Variants in PAQR5 observed in about 807,000 individuals in gnomAD.
PAQR5 encodes the protein progestin and adipoQ receptor family member 5, also known as membrane progestin receptor gamma.
In PAQR5, 20 loss-of-function variants were observed where a neutral mutation model predicts 34.5. The observed-to-expected ratio is 0.58, with a 90% CI of 0.41 to 0.84. PAQR5 has a LOEUF of 0.84. PAQR5 is among the 40% of genes least tolerant of loss of function. The probability of loss-of-function intolerance (pLI) is 0.00; values close to 1 mark genes in which losing one functional copy is unlikely to be tolerated. For missense variants in PAQR5, 378 were observed against 412.7 expected, an observed-to-expected ratio of 0.92 and a Z score of 0.73; for synonymous variants, 131 against 155.6, an observed-to-expected ratio of 0.84 and a Z score of 1.18.
intron 1 of PAQR5, among the ~76,000 whole-genome samples, chr15:69,315,439 T>C (rs549524583): frequency 6.6e-6 from 1 of 152,310 alleles, no homozygotes; most frequent in East Asian, 1.9e-4. Context: ...CCAGCATCCT[T>C]GAAGACCCAA....
At chr15:69,310,024 G>T (rs1242753401) in intron 1 of PAQR5, among the ~76,000 whole-genome samples, 1 of 151,302 alleles carries the variant, frequency 6.6e-6, no homozygotes, top group Admixed American at 6.6e-5. Context: ...CTCCAGCCTG[G>T]GTGACAGAGT....
At chr15:69,325,835 C>T (rs1310444311) in intron 1 of PAQR5, among the ~76,000 whole-genome samples, 2 of 152,130 alleles carry the variant, frequency 1.3e-5, no homozygotes, top group East Asian at 1.9e-4. Flanking sequence ...CAGCCATCTG[C>T]CCGGGAAACT....
intron 1 of PAQR5, among the ~76,000 whole-genome samples, chr15:69,331,276 G>A (rs1228198909): frequency 2.6e-5 from 4 of 152,124 alleles, no homozygotes; most frequent in Non-Finnish European, 5.9e-5. Flanking sequence ...TGTGTCTGTA[G>A]CCCCATTGCA....
intron 1 of PAQR5, among the ~76,000 whole-genome samples, chr15:69,322,811 G>GAAGAAGAAGAAGAAGAAGAAGAA (rs1566998179): frequency 7.9e-5 from 2 of 25,334 alleles, no homozygotes; most frequent in African/African-American, 1.9e-4. Context: ...AAGAGGAAGA[G>GAAGAAGAAGAAGAAGAAGAAGAA]GAAGAAGAAG....
chr15:69,333,564 A>T (rs1022505608), intron 1 of PAQR5, among the ~76,000 whole-genome samples: 2 of 152,208 alleles, frequency 1.3e-5, no homozygotes, highest in East Asian at 3.8e-4. Flanking sequence ...AGATGGGCCG[A>T]TTACAAAATG....
intron 1 of PAQR5, among the ~76,000 whole-genome samples, chr15:69,313,360 A>G (rs1249967792): frequency 6.6e-6 from 1 of 152,144 alleles, no homozygotes; most frequent in African/African-American, 2.4e-5. Context: ...TTAGCTGGGC[A>G]TGGTGGTGTG....
At chr15:69,318,117 G>A (rs954245527) in intron 1 of PAQR5, among the ~76,000 whole-genome samples, 1 of 152,220 alleles carries the variant, frequency 6.6e-6, no homozygotes, top group Non-Finnish European at 1.5e-5. Context: ...CAAGGCAGGA[G>A]CCCTGCCATC....
chr15:69,348,301 C>G (rs1343039801), intron 2 of PAQR5, among the ~76,000 whole-genome samples: 1 of 152,094 alleles, frequency 6.6e-6, no homozygotes, highest in East Asian at 1.9e-4. Context: ...TAAGAAGGAC[C>G]CTATGAAGAA....
chr15:69,341,667 T>C (rs759805749), intron 2 of PAQR5, among the ~76,000 whole-genome samples: 29 of 152,132 alleles, frequency 1.9e-4, no homozygotes, highest in Non-Finnish European at 3.4e-4. Flanking sequence ...TAGAAATACC[T>C]GCTTCAGGCC....
intron 6 of PAQR5, chr15:69,396,985 T>C (rs2056454627): frequency 2.8e-6 from 1 of 356,168 alleles, no homozygotes; most frequent in South Asian, 2.1e-5. Context: ...TCTCCAAGGG[T>C]CAAACACCTA....
intron 1 of PAQR5, among the ~76,000 whole-genome samples, chr15:69,334,249 C>G (rs1281033202): frequency 6.6e-6 from 1 of 152,108 alleles, no homozygotes; most frequent in African/African-American, 2.4e-5. Flanking sequence ...AGGATGGTCT[C>G]GAGCTCTTGA....
intron 4 of PAQR5, among the ~76,000 whole-genome samples, chr15:69,382,419 G>A (rs1245257281): frequency 6.6e-6 from 1 of 151,984 alleles, no homozygotes; most frequent in African/African-American, 2.4e-5. Context: ...GGCTGAGGCA[G>A]GCAGACCACA....
intron 2 of PAQR5, among the ~76,000 whole-genome samples, chr15:69,350,960 C>T (rs1225194040): frequency 6.6e-6 from 1 of 152,178 alleles, no homozygotes; most frequent in Non-Finnish European, 1.5e-5. Flanking sequence ...GACATTGATT[C>T]CAGGAGGCCC....
chr15:69,369,522 C>A (rs1167821656), intron 3 of PAQR5, among the ~76,000 whole-genome samples: 1 of 150,070 alleles, frequency 6.7e-6, no homozygotes, highest in Admixed American at 6.7e-5. Context: ...GGTGACAGAG[C>A]AAGATCCTGC....
chr15:69,379,388 C>G, intron 3 of PAQR5: 1 of 981,222 alleles, frequency 1.0e-6, no homozygotes, highest in Non-Finnish European at 1.2e-6. Context: ...GCATCGTGGT[C>G]CTCATCATCA....
chr15:69,338,300 C>T (rs2054558714), intron 2 of PAQR5, among the ~76,000 whole-genome samples: 1 of 152,150 alleles, frequency 6.6e-6, no homozygotes, highest in Non-Finnish European at 1.5e-5. Context: ...AGGTTTTTTC[C>T]TGCAGTTTAG....
chr15:69,309,116 A>G (rs1219008049), intron 1 of PAQR5, among the ~76,000 whole-genome samples: 1 of 152,164 alleles, frequency 6.6e-6, no homozygotes, highest in Non-Finnish European at 1.5e-5. Flanking sequence ...TGGAAGCTAC[A>G]TGCATACAGG....
At chr15:69,370,663 G>T (rs939793586) in intron 3 of PAQR5, among the ~76,000 whole-genome samples, 3 of 152,154 alleles carry the variant, frequency 2.0e-5, no homozygotes, top group African/African-American at 7.2e-5. Context: ...GGGATTACAG[G>T]CACCTGCCAC....
At chr15:69,324,862 C>A (rs1305636849) in intron 1 of PAQR5, among the ~76,000 whole-genome samples, 1 of 151,880 alleles carries the variant, frequency 6.6e-6, no homozygotes, top group African/African-American at 2.4e-5. Flanking sequence ...TGTGGCACTC[C>A]TATTGACTCT....
Sources: gnomAD v4.1 joint callset for allele counts (sites outside exome capture counted in the v4.1 genomes callset) on GRCh38, gnomAD v4.1.1 for gene constraint, MANE v1.5 for transcripts, NCBI Gene and HGNC (gene_info 2026-07-23, HGNC 2026-07-21) for gene names.